Variants in GABRB1 observed in about 807,000 individuals in gnomAD.
GABRB1 encodes gamma-aminobutyric acid type A receptor subunit beta1.
GABRB1 carries 17 observed loss-of-function variants against 51.6 expected under a neutral mutation model. The ratio of observed to expected loss-of-function variants is 0.33; its 90% CI spans 0.23 to 0.49. The LOEUF (loss-of-function observed/expected upper bound fraction) is 0.49. GABRB1 is among the 20% of genes least tolerant of loss of function. The pLI is 0.99. For synonymous variants in GABRB1, 247 were observed against 218.9 expected, an observed-to-expected ratio of 1.13 and a Z score of -1.14; for missense variants, 410 against 600.6, an observed-to-expected ratio of 0.68 and a Z score of 3.32.
chr4:47,225,389 A>G (rs914376353), intron 4 of GABRB1, among the ~76,000 whole-genome samples: 7 of 152,138 alleles, frequency 4.6e-5, no homozygotes, highest in Non-Finnish European at 1.0e-4. Flanking sequence ...ACCTATAAAA[A>G]TTTAAGAAGC....
intron 4 of GABRB1, among the ~76,000 whole-genome samples, chr4:47,186,229 G>A (rs535544057): frequency 6.7e-6 from 1 of 149,878 alleles, no homozygotes; most frequent in South Asian, 2.1e-4. Flanking sequence ...GGGGGCGGGG[G>A]GTAAGTCCTG....
intron 3 of GABRB1, among the ~76,000 whole-genome samples, chr4:47,085,667 A>C (rs1728026470): frequency 6.6e-6 from 1 of 152,238 alleles, no homozygotes; most frequent in Admixed American, 6.5e-5. Flanking sequence ...AAAACAGCCT[A>C]AAACCTAAGT....
chr4:47,047,337 C>G (rs562772109), intron 3 of GABRB1, among the ~76,000 whole-genome samples: 16 of 152,150 alleles, frequency 1.1e-4, no homozygotes, highest in South Asian at 8.3e-4. Flanking sequence ...AGGTACTATT[C>G]TAACCACTTT....
chr4:47,112,964 C>T (rs1035717364), intron 3 of GABRB1, among the ~76,000 whole-genome samples: 3 of 152,140 alleles, frequency 2.0e-5, no homozygotes, highest in Non-Finnish European at 2.9e-5. Flanking sequence ...TCCTGTTTCC[C>T]TTGGCAATTA....
chr4:47,370,189 T>A (rs1727138248), intron 5 of GABRB1, among the ~76,000 whole-genome samples: 2 of 152,176 alleles, frequency 1.3e-5, no homozygotes, highest in Non-Finnish European at 2.9e-5. Flanking sequence ...TTCTGCATCT[T>A]AGTAAGGCAT....
At chr4:47,067,721 A>C (rs1232354641) in intron 3 of GABRB1, among the ~76,000 whole-genome samples, 1 of 151,464 alleles carries the variant, frequency 6.6e-6, no homozygotes, top group Admixed American at 6.6e-5. Flanking sequence ...ATTTTTATTT[A>C]TTTATTTTTT....
intron 3 of GABRB1, among the ~76,000 whole-genome samples, chr4:47,066,624 T>C (rs1172309135): frequency 6.6e-6 from 1 of 152,216 alleles, no homozygotes; most frequent in Non-Finnish European, 1.5e-5. Flanking sequence ...CTATAGGAAA[T>C]AACTCCTCAT....
At chr4:47,317,112 A>G (rs1325535517) in intron 4 of GABRB1, among the ~76,000 whole-genome samples, 1 of 151,932 alleles carries the variant, frequency 6.6e-6, no homozygotes, top group African/African-American at 2.4e-5. Context: ...TGGAAAAGCT[A>G]AGTCTTTGTT....
At chr4:47,263,793 T>TA (rs1722544729) in intron 4 of GABRB1, among the ~76,000 whole-genome samples, 1 of 152,072 alleles carries the variant, frequency 6.6e-6, no homozygotes, top group South Asian at 2.1e-4. Flanking sequence ...TCTATACAAA[T>TA]AGATAGTGGT....
chr4:47,343,106 A>C (rs1486117166), intron 5 of GABRB1, among the ~76,000 whole-genome samples: 4 of 151,982 alleles, frequency 2.6e-5, no homozygotes, highest in Non-Finnish European at 5.9e-5. Context: ...ATGCTTGTGC[A>C]CGGCTAAATA....
chr4:47,254,993 C>T (rs1460943646), intron 4 of GABRB1, among the ~76,000 whole-genome samples: 1 of 152,324 alleles, frequency 6.6e-6, no homozygotes, highest in East Asian at 1.9e-4. Context: ...AACCATACTA[C>T]ATTGCCTATA....
chr4:47,036,358 T>G (rs1292140519), intron 3 of GABRB1, among the ~76,000 whole-genome samples: 2 of 152,180 alleles, frequency 1.3e-5, no homozygotes, highest in African/African-American at 4.8e-5. Flanking sequence ...CTTGTCAGAT[T>G]CCCAGTCCCC....
chr4:47,105,930 A>T (rs1714948656), intron 3 of GABRB1, among the ~76,000 whole-genome samples: 2 of 152,110 alleles, frequency 1.3e-5, no homozygotes, highest in East Asian at 1.9e-4. Context: ...TTGAAAAAAA[A>T]TTTTAACTGG....
In GABRB1 at chr4:47,153,837, G is replaced by A. The variant is rs192534017; in HGVS notation, c.241-7412G>A. Among the ~76,000 whole-genome samples, 9 of 152,076 alleles carry A rather than the reference G, an allele frequency of 5.9e-5. No individual in the cohort carries two copies. The South Asian group carries it at 1.2e-3, about 21-fold the overall frequency. The stretch of plus-strand genomic sequence containing the variant: ...GACCAAATGGGGCTATTTAGGATGC[G>A]ACAAAGGTAAAAGAAGATTATGTTC... On this transcript the variant is annotated intron_variant, in intron 3 of 8. Transcript: ENST00000295454.
intron 4 of GABRB1, among the ~76,000 whole-genome samples, chr4:47,256,947 G>A (rs1722227149): frequency 6.6e-6 from 1 of 152,152 alleles, no homozygotes; most frequent in Non-Finnish European, 1.5e-5. Flanking sequence ...TACAGATGAG[G>A]AAACTATGGC....
chr4:47,211,264 G>C (rs1486369083), intron 4 of GABRB1, among the ~76,000 whole-genome samples: 2 of 152,138 alleles, frequency 1.3e-5, no homozygotes, highest in African/African-American at 2.4e-5. Context: ...GTCTCCTAGT[G>C]AGTGGAGCCC....
intron 4 of GABRB1, among the ~76,000 whole-genome samples, chr4:47,183,599 T>C (rs1719048795): frequency 6.6e-6 from 1 of 151,720 alleles, no homozygotes; most frequent in African/African-American, 2.4e-5. Context: ...ACCAAACTCT[T>C]GACATGGAAT....
At chr4:47,169,149 T>A (rs1436516627) in intron 4 of GABRB1, among the ~76,000 whole-genome samples, 2 of 152,156 alleles carry the variant, frequency 1.3e-5, no homozygotes, top group East Asian at 3.9e-4. Flanking sequence ...TAATAGCAAC[T>A]GATAATAATT....
intron 3 of GABRB1, among the ~76,000 whole-genome samples, chr4:47,093,369 C>T (rs1468675299): frequency 6.6e-6 from 1 of 152,046 alleles, no homozygotes; most frequent in African/African-American, 2.4e-5. Context: ...GTCCATTATT[C>T]TAATATTATT....
Sources: gnomAD v4.1 joint callset for allele counts (sites outside exome capture counted in the v4.1 genomes callset) on GRCh38, gnomAD v4.1.1 for gene constraint, MANE v1.5 for transcripts, NCBI Gene and HGNC (gene_info 2026-07-23, HGNC 2026-07-21) for gene names.